The following CCSER1 variants were observed in gnomAD, a reference collection of about 807,000 sequenced individuals.
The protein encoded by CCSER1 is coiled-coil serine rich protein 1, also known as serine-rich coiled-coil domain-containing protein 1.
A neutral mutation model predicts 82.0 loss-of-function variants in CCSER1; 41 were observed. The observed-to-expected ratio is 0.50, with a 90% confidence interval of 0.39 to 0.65. The LOEUF (loss-of-function observed/expected upper bound fraction) is 0.65, where lower values mean the gene tolerates loss of function less well. CCSER1 is among the 30% of genes least tolerant of loss of function. The pLI is 0.00. For missense variants in CCSER1, 1,119 were observed against 1,064.2 expected (o/e 1.05, Z -0.72); for synonymous variants, 414 against 383.9 (o/e 1.08, Z -0.92).
chr4:90,949,789 A>G (rs1732692323), intron 9 of CCSER1, among the ~76,000 whole-genome samples: 2 of 152,102 alleles, frequency 1.3e-5, no homozygotes, highest in South Asian at 4.2e-4. Flanking sequence ...CAGACTCTAG[A>G]ATTATCCCTA....
chr4:91,455,938 G>A (rs1224853652), intron 10 of CCSER1, among the ~76,000 whole-genome samples: 1 of 152,038 alleles, frequency 6.6e-6, no homozygotes, highest in Non-Finnish European at 1.5e-5. Flanking sequence ...TAGTGAAGGG[G>A]AATTCAGAGA....
intron 6 of CCSER1, among the ~76,000 whole-genome samples, chr4:90,668,679 G>T (rs1008008837): frequency 1.1e-4 from 17 of 152,086 alleles, no homozygotes; most frequent in African/African-American, 4.1e-4. Flanking sequence ...TATTCCTTGA[G>T]AGATTTTACT....
At chr4:90,224,211 C>T (rs530165186) in intron 1 of CCSER1, among the ~76,000 whole-genome samples, 7 of 152,218 alleles carry the variant, frequency 4.6e-5, no homozygotes, top group South Asian at 2.1e-4. Context: ...CATCAGAAGA[C>T]GGAGAAAAGG....
chr4:90,634,093 T>G (rs912625819), intron 6 of CCSER1, among the ~76,000 whole-genome samples: 1 of 151,776 alleles, frequency 6.6e-6, no homozygotes, highest in Non-Finnish European at 1.5e-5. Flanking sequence ...AAATGTTTAA[T>G]ATCTACAGAG....
chr4:90,300,529 T>TAAAAAAGTAA (rs1732894678), intron 1 of CCSER1, among the ~76,000 whole-genome samples: 1 of 152,118 alleles, frequency 6.6e-6, no homozygotes, highest in African/African-American at 2.4e-5. Flanking sequence ...CATGTGTGCG[T>TAAAAAAGTAA]AAAAAGTAAT....
intron 8 of CCSER1, among the ~76,000 whole-genome samples, chr4:90,841,404 C>G (rs537778255): frequency 6.6e-6 from 1 of 151,670 alleles, no homozygotes; most frequent in Admixed American, 6.6e-5. Flanking sequence ...CAATGAAACC[C>G]CGTCTCTACT....
chr4:91,073,971 C>T (rs1054433090), intron 9 of CCSER1, among the ~76,000 whole-genome samples: 9 of 152,116 alleles, frequency 5.9e-5, no homozygotes, highest in African/African-American at 2.2e-4. Flanking sequence ...TATCATCCAA[C>T]AATGTGTTTC....
chr4:91,043,732 A>G (rs1477980951), intron 9 of CCSER1, among the ~76,000 whole-genome samples: 1 of 151,932 alleles, frequency 6.6e-6, no homozygotes, highest in Non-Finnish European at 1.5e-5. Flanking sequence ...CTGGGATCAC[A>G]GGCATGTGCC....
At chr4:91,154,000 A>C (rs1258988964) in intron 10 of CCSER1, among the ~76,000 whole-genome samples, 1 of 151,872 alleles carries the variant, frequency 6.6e-6, no homozygotes, top group East Asian at 1.9e-4. Context: ...TCAGATCTCA[A>C]ACTCTGTGCT....
chr4:91,529,772 G>C (rs1760933526), intron 10 of CCSER1, among the ~76,000 whole-genome samples: 1 of 152,036 alleles, frequency 6.6e-6, no homozygotes, highest in Non-Finnish European at 1.5e-5. Flanking sequence ...AAAGTTAATA[G>C]ATTTTTGTCT....
chr4:90,979,115 T>C (rs1735873550), intron 9 of CCSER1, among the ~76,000 whole-genome samples: 1 of 151,524 alleles, frequency 6.6e-6, no homozygotes, highest in South Asian at 2.1e-4. Flanking sequence ...AATTATGCAC[T>C]GCTTTATTTT....
intron 1 of CCSER1, among the ~76,000 whole-genome samples, chr4:90,294,728 A>G (rs1347216683): frequency 6.6e-6 from 1 of 151,992 alleles, no homozygotes; most frequent in Non-Finnish European, 1.5e-5. Flanking sequence ...TCATGAATTC[A>G]TTCTGATTGT....
chr4:91,331,576 T>C (rs1475357669), intron 10 of CCSER1, among the ~76,000 whole-genome samples: 1 of 152,138 alleles, frequency 6.6e-6, no homozygotes, highest in East Asian at 1.9e-4. Flanking sequence ...ATTTTTCAGA[T>C]CTAGAAACTT....
At chr4:90,358,296 A>G (rs1012661154) in intron 3 of CCSER1, among the ~76,000 whole-genome samples, 3 of 152,058 alleles carry the variant, frequency 2.0e-5, no homozygotes, top group Admixed American at 2.0e-4. Context: ...CATTCCATGT[A>G]GTCAAAGTGC....
At chr4:91,358,375 T>C (rs1749002564) in intron 10 of CCSER1, among the ~76,000 whole-genome samples, 1 of 147,098 alleles carries the variant, frequency 6.8e-6, no homozygotes, top group African/African-American at 2.5e-5. Flanking sequence ...GTGGGCTTAC[T>C]TTGTGCCTGA....
At chr4:91,267,773 A>T (rs984117036) in intron 10 of CCSER1, among the ~76,000 whole-genome samples, 1 of 152,230 alleles carries the variant, frequency 6.6e-6, no homozygotes, top group African/African-American at 2.4e-5. Context: ...AGCTGAGAGG[A>T]ACTGATTGCC....
At chr4:91,221,155 A>G (rs1737710187) in intron 10 of CCSER1, among the ~76,000 whole-genome samples, 2 of 152,062 alleles carry the variant, frequency 1.3e-5, no homozygotes, top group African/African-American at 4.8e-5. Flanking sequence ...AACTCATATC[A>G]GTCTTTAGTA....
chr4:90,250,759 G>A lies in CCSER1; in HGVS notation c.-41-57485G>A, dbSNP rs191841353. Among the ~76,000 whole-genome samples, 245 of 152,134 alleles carry A rather than the reference G, an allele frequency of 1.6e-3. 2 individuals carry two copies. The highest frequency in any genetic ancestry group is 5.5e-3 in the African/African-American group (230 of 41,542). On this transcript the variant is annotated intron_variant, in intron 1 of 10. Transcript: ENST00000509176. ...TCTGCAATTTTAAAAAGGCAGTTGG[G>A]ATTTTGACAAGGATTGTGTTGAATC...
chr4:90,925,691 A>C (rs1292894812), intron 9 of CCSER1, among the ~76,000 whole-genome samples: 3 of 152,186 alleles, frequency 2.0e-5, no homozygotes, highest in African/African-American at 7.2e-5. Context: ...TCTAAGCATG[A>C]AAATAAAAAT....
Sources: allele counts gnomAD v4.1 joint callset (sites outside exome capture counted in the v4.1 genomes callset), GRCh38; gene constraint gnomAD v4.1.1; transcripts MANE v1.5; gene names NCBI Gene and HGNC (gene_info 2026-07-23, HGNC 2026-07-21).